NEK1: variants seen among roughly 807,000 people sequenced by gnomAD.
NEK1 encodes serine/threonine-protein kinase Nek1.
NEK1 carries 137 observed loss-of-function variants against 182.1 expected under a neutral mutation model. The observed-to-expected ratio is 0.75, with a 90% CI of 0.65 to 0.87. NEK1 has a LOEUF of 0.87. Ranked by LOEUF, NEK1 falls within the 40% of genes least tolerant of loss-of-function variation. NEK1 has a pLI of 0.00. For synonymous variants in NEK1, 513 were observed against 492.2 expected (o/e 1.04, Z -0.56); for missense variants, 1,391 against 1,494.4 (o/e 0.93, Z 1.14).
chr4:169,475,000 G>A (rs1746685039), intron 26 of NEK1, among the ~76,000 whole-genome samples: 1 of 152,020 alleles, frequency 6.6e-6, no homozygotes, highest in Non-Finnish European at 1.5e-5. Flanking sequence ...TTGTACAACA[G>A]GTAATAAAGA....
chr4:169,550,705 A>G (rs1157309017), intron 18 of NEK1, among the ~76,000 whole-genome samples: 1 of 152,230 alleles, frequency 6.6e-6, no homozygotes, highest in Non-Finnish European at 1.5e-5. Context: ...TCCTGGATCC[A>G]TTATATTGTG....
At chr4:169,555,383 G>A (rs1762018250) in intron 18 of NEK1, 1 of 280,848 alleles carries the variant, frequency 3.6e-6, no homozygotes, top group African/African-American at 2.2e-5. Context: ...TGCATAAAGT[G>A]TGATTCAATT....
chr4:169,515,554 AGGT>A (rs1445956512), intron 19 of NEK1, among the ~76,000 whole-genome samples: 1 of 143,782 alleles, frequency 7.0e-6, no homozygotes, highest in Non-Finnish European at 1.5e-5. Context: ...CACATTGTGC[AGGT>A]TAGTTACATA....
chr4:169,402,567 A>G (rs1731867621), intron 32 of NEK1, among the ~76,000 whole-genome samples: 1 of 152,208 alleles, frequency 6.6e-6, no homozygotes, highest in Non-Finnish European at 1.5e-5. Context: ...TATTCATTCT[A>G]TTTTCATGGG....
chr4:169,455,265 AT>A (rs1742636199), intron 27 of NEK1, among the ~76,000 whole-genome samples: 1 of 152,096 alleles, frequency 6.6e-6, no homozygotes, highest in East Asian at 1.9e-4. Flanking sequence ...AACATGGCAC[AT>A]GTATACCTAT....
Position 169,583,905 on chromosome 4 carries a change from GA to G in NEK1, c.807+1443del, listed in dbSNP as rs1420053487. ...ACAGTAAAATCAACATCTGTTTTCTGAAGAGTATTTGGTCACATGCATGTTC... is the reference window on the plus strand; with the variant it reads ...ACAGTAAAATCAACATCTGTTTTCTGAGAGTATTTGGTCACATGCATGTTC... On this transcript the variant is annotated intron_variant, in intron 10 of 35. Coordinates refer to ENST00000507142, the MANE Select transcript of NEK1 (RefSeq NM_001199397.3). 2.6e-5 allele frequency among the ~76,000 whole-genome samples: 4 copies of G among 152,274 alleles called. No homozygotes were observed. In the East Asian group the frequency reaches 7.7e-4, roughly 29 times the overall value.
chr4:169,436,437 C>T (rs556693827), intron 28 of NEK1, among the ~76,000 whole-genome samples: 3 of 152,198 alleles, frequency 2.0e-5, no homozygotes, highest in East Asian at 3.9e-4. Context: ...TCTTGCTCTA[C>T]GGTGGCTGAA....
At chr4:169,503,296 C>A (rs1580284680) in intron 23 of NEK1, among the ~76,000 whole-genome samples, 1 of 152,066 alleles carries the variant, frequency 6.6e-6, no homozygotes, top group African/African-American at 2.4e-5. Flanking sequence ...AATGTCCATA[C>A]TGCCTGAAGT....
chr4:169,526,935 G>A (rs998019766), intron 19 of NEK1, among the ~76,000 whole-genome samples: 7 of 152,112 alleles, frequency 4.6e-5, no homozygotes, highest in African/African-American at 1.7e-4. Flanking sequence ...CAAGTTTGGT[G>A]TAATCCATAA....
intron 29 of NEK1, among the ~76,000 whole-genome samples, chr4:169,429,640 G>A (rs1157259442): frequency 6.6e-6 from 1 of 152,096 alleles, no homozygotes; most frequent in African/African-American, 2.4e-5. Flanking sequence ...TTGAGGAGGA[G>A]TAAGTATCTG....
Position 169,477,204 on chromosome 4 carries a change from C to A in NEK1, c.2354G>T (p.Arg785Leu), listed in dbSNP as rs757319297. ...TTGACCTCCTGCCTCCCACTTCTTG[C>A]GATCAGATGAAACTGATTTTTCTTT... is the stretch of plus-strand genomic sequence containing the variant. The part of the protein sequence containing the change: ...HEKEKSVSSD[R>L]KKWEAGGQLV... Residue 785 changes from arginine to leucine, a missense_variant, in exon 26 of 36, where the codon CGC (arginine) becomes CTC (leucine). By Grantham distance (102) the Arg-to-Leu change is moderately radical. Coordinates refer to ENST00000507142, the MANE Select transcript of NEK1 (RefSeq NM_001199397.3). The A allele has an allele frequency of 6.8e-6, 11 of 1,607,762 alleles. No homozygotes were observed. The highest frequency in any genetic ancestry group is 9.3e-6 in the Non-Finnish European group (11 of 1,176,778).
chr4:169,534,676 C>T (rs769001730), intron 19 of NEK1, among the ~76,000 whole-genome samples: 1 of 152,180 alleles, frequency 6.6e-6, no homozygotes, highest in Non-Finnish European at 1.5e-5. Flanking sequence ...CAAATTAGCA[C>T]TGAAGACTGT....
At chr4:169,497,276 C>T (rs984042697) in intron 23 of NEK1, among the ~76,000 whole-genome samples, 1 of 152,032 alleles carries the variant, frequency 6.6e-6, no homozygotes, top group African/African-American at 2.4e-5. Flanking sequence ...TTTATTGCAT[C>T]TATTTGATTC....
intron 23 of NEK1, among the ~76,000 whole-genome samples, chr4:169,496,043 T>A (rs1043723387): frequency 1.3e-5 from 2 of 152,236 alleles, no homozygotes; most frequent in African/African-American, 4.8e-5. Flanking sequence ...GAGCATGGAA[T>A]ATTCTTCCAT....
At chr4:169,585,627 C>A (rs900064454) in intron 9 of NEK1, 78 bp from the exon 10 acceptor site, 8 of 889,722 alleles carry the variant, frequency 9.0e-6, no homozygotes, top group Middle Eastern at 2.7e-4. Context: ...AGAAATAGTT[C>A]TTTTCCTACC....
At chr4:169,585,316 C>A in intron 10 of NEK1, 33 bp downstream of exon 10, 1 of 1,542,462 alleles carries the variant, frequency 6.5e-7, no homozygotes, top group South Asian at 1.1e-5. Flanking sequence ...CAACATAACC[C>A]TACTGTTTAA....
chr4:169,483,865 CAA>C (rs376726833), intron 23 of NEK1, among the ~76,000 whole-genome samples: 7 of 117,312 alleles, frequency 6.0e-5, no homozygotes, highest in Admixed American at 1.9e-4. Context: ...GACTCTGTCT[CAA>C]AAAAAAAAAA....
Position 169,426,162 on chromosome 4 carries a change from A to C in NEK1, c.2958T>G (p.Leu986=). Reference sequence around the variant, plus strand: ...GATGCTTACCTATATGAATGTCACTAAGTTGGTCCACAGTACTCGAGACTC... The same window carrying C: ...GATGCTTACCTATATGAATGTCACTCAGTTGGTCCACAGTACTCGAGACTC... ...EDGVSSTVDQ[L]SDIHIEPGTN... Residue 986 remains leucine (L), a synonymous_variant, in exon 30 of 36, where the codon CTT becomes CTG. Coordinates refer to ENST00000507142, the MANE Select transcript of NEK1 (RefSeq NM_001199397.3). 6.2e-7 allele frequency: 1 copy of C among 1,613,360 alleles called. No individual in the cohort carries two copies. The highest frequency in any genetic ancestry group is 8.5e-7 in the Non-Finnish European group (1 of 1,179,472).
At chr4:169,455,187 G>T (rs554416769) in intron 27 of NEK1, among the ~76,000 whole-genome samples, 1 of 152,296 alleles carries the variant, frequency 6.6e-6, no homozygotes, top group East Asian at 1.9e-4. Flanking sequence ...GGGGGTTGGG[G>T]CCTGGCAGAG....
Sources: allele counts gnomAD v4.1 joint callset (sites outside exome capture counted in the v4.1 genomes callset), GRCh38; gene constraint gnomAD v4.1.1; transcripts MANE v1.5; gene names NCBI Gene and HGNC (gene_info 2026-07-23, HGNC 2026-07-21).